Variants in MARCHF8 observed in about 807,000 individuals in gnomAD.
MARCHF8 encodes the protein membrane associated ring-CH-type finger 8, also known as E3 ubiquitin-protein ligase MARCHF8.
MARCHF8 carries 40 observed loss-of-function variants against 51.6 expected under a neutral mutation model. The observed-to-expected ratio is 0.77, with a 90% CI of 0.60 to 1.01. The LOEUF (loss-of-function observed/expected upper bound fraction) is 1.01. Ranked by LOEUF, MARCHF8 falls within the 50% of genes least tolerant of loss-of-function variation. MARCHF8 has a pLI of 0.00. For synonymous variants in MARCHF8, 263 were observed against 280.3 expected (o/e 0.94, Z 0.62); for missense variants, 685 against 708.6 (o/e 0.97, Z 0.38).
At chr10:45,501,096 C>T (rs969282974) in intron 2 of MARCHF8, among the ~76,000 whole-genome samples, 13 of 151,658 alleles carry the variant, frequency 8.6e-5, no homozygotes, top group African/African-American at 1.4e-4. Context: ...AACTCTTCCC[C>T]AAATTGATAA....
chr10:45,463,765 G>T lies in MARCHF8; in HGVS notation c.474C>A (p.Leu158=). The change falls in exon 5 of 8, where the codon CTC becomes CTA. Residue 158 remains leucine (L), a synonymous_variant. Transcript: ENST00000453424. The part of the protein sequence containing the change: ...ARRTLKFSRS[L]NDVGEKAQDT... ...CCTGCGCCTTCTCACCCACATCATT[G>T]AGGGACCTTGAGAACTTTAGTGTTC... 6.4e-7 allele frequency: 1 copy of T among 1,551,056 alleles called. No homozygotes were observed. Among genetic ancestry groups the T allele is most frequent in the Non-Finnish European group, 8.7e-7 (1 of 1,147,130 alleles).
At position 45,565,394 on chromosome 10, in the gene MARCHF8, A is replaced by T. The variant is rs2044353705; in HGVS notation, c.-79+28841T>A. Among the ~76,000 whole-genome samples, 3 of 152,080 alleles carry T rather than the reference A, an allele frequency of 2.0e-5. No individual in the cohort carries two copies. The South Asian group carries it at 6.2e-4, about 32-fold the overall frequency. ...TACAGTGTGCCAAGATTGTGACTGC[A>T]CTCCAGCCTGGGCGAGAGAGTAAGA... On this transcript the variant is annotated intron_variant, in intron 1 of 6. Coordinates refer to the MARCHF8 transcript ENST00000319836.
chr10:45,493,822 TGGA>T (rs1337151010), intron 2 of MARCHF8, among the ~76,000 whole-genome samples: 2 of 152,208 alleles, frequency 1.3e-5, no homozygotes, highest in Admixed American at 1.3e-4. Flanking sequence ...TTGTCCAGGC[TGGA>T]GGACAGTAGC....
intron 1 of MARCHF8, among the ~76,000 whole-genome samples, chr10:45,551,462 C>T (rs974079702): frequency 6.6e-6 from 1 of 151,942 alleles, no homozygotes. Flanking sequence ...GGACTTAACT[C>T]CTAGGCTCAA....
At position 45,469,966 on chromosome 10, in the gene MARCHF8, T is replaced by C. The variant is rs763108941; in HGVS notation, c.154-5639A>G. ...CCTGACTGTATTTCTACAAAGAAAA[T>C]AAAAATTATCAAAAAAAAATAAAAG... On this transcript the variant is annotated intron_variant, in intron 3 of 7. Transcript: ENST00000453424. Among the ~76,000 whole-genome samples, 270 of 106,150 alleles carry C rather than the reference T, an allele frequency of 2.5e-3. 1 individual carries two copies. Among genetic ancestry groups the C allele is most frequent in the Non-Finnish European group, 4.2e-3 (212 of 50,002 alleles). 69.6% of individuals were successfully genotyped at this position (106,150 alleles called of 152,430 possible). A position where few individuals can be genotyped will look rare whatever the true frequency, so the allele number is the denominator to read the frequency against.
At chr10:45,477,239 C>T (rs892319963) in intron 3 of MARCHF8, among the ~76,000 whole-genome samples, 23 of 152,070 alleles carry the variant, frequency 1.5e-4, no homozygotes, top group African/African-American at 5.1e-4. Context: ...TATATCCATC[C>T]AAGTTATCAC....
chr10:45,561,154 A>G (rs2044305960), intron 1 of MARCHF8, among the ~76,000 whole-genome samples: 2 of 152,240 alleles, frequency 1.3e-5, no homozygotes, highest in African/African-American at 2.4e-5. Flanking sequence ...TGGAAAAATA[A>G]GCTCACAATA....
At chr10:45,460,626 G>A (rs536458996) in intron 6 of MARCHF8, among the ~76,000 whole-genome samples, 10 of 152,214 alleles carry the variant, frequency 6.6e-5, no homozygotes, top group Non-Finnish European at 1.5e-4. Flanking sequence ...AATTTAAACA[G>A]GAAGCCAGTG....
At chr10:45,514,160 A>C (rs1165544206) in intron 2 of MARCHF8, among the ~76,000 whole-genome samples, 1 of 152,256 alleles carries the variant, frequency 6.6e-6, no homozygotes, top group East Asian at 1.9e-4. Context: ...TTAGAAACAA[A>C]GTACATCATT....
chr10:45,560,835 C>T (rs1265859503), intron 1 of MARCHF8, among the ~76,000 whole-genome samples: 3 of 152,160 alleles, frequency 2.0e-5, no homozygotes, highest in South Asian at 2.1e-4. Flanking sequence ...GCTCCAGTTT[C>T]CTTGTGATCT....
At chr10:45,526,184 A>G (rs1269304549) in intron 2 of MARCHF8, among the ~76,000 whole-genome samples, 1 of 152,218 alleles carries the variant, frequency 6.6e-6, no homozygotes, top group African/African-American at 2.4e-5. Context: ...AACGGCGAGT[A>G]GATATTCACC....
intron 3 of MARCHF8, among the ~76,000 whole-genome samples, chr10:45,478,923 C>T (rs1420998693): frequency 6.6e-6 from 1 of 152,094 alleles, no homozygotes; most frequent in East Asian, 1.9e-4. Flanking sequence ...CAAATTCTAC[C>T]AAACTTTCAA....
chr10:45,577,083 C>T (rs1367270846), intron 1 of MARCHF8, among the ~76,000 whole-genome samples: 2 of 151,596 alleles, frequency 1.3e-5, no homozygotes, highest in Non-Finnish European at 1.5e-5. Context: ...GGATTAGGGA[C>T]TCATCAAAGA....
intron 3 of MARCHF8, among the ~76,000 whole-genome samples, chr10:45,479,933 C>T (rs952591966): frequency 6.6e-6 from 1 of 152,132 alleles, no homozygotes; most frequent in African/African-American, 2.4e-5. Flanking sequence ...CAGAAGAAGA[C>T]AGGAAAATGT....
intron 2 of MARCHF8, among the ~76,000 whole-genome samples, chr10:45,498,705 ACCTCAGGTGAT>A (rs1408728938): frequency 4.6e-5 from 7 of 152,128 alleles, no homozygotes. Context: ...CAAACTCCTG[ACCTCAGGTGAT>A]CCTCCCTCCT....
At chr10:45,465,051 G>A (rs1476545868) in intron 3 of MARCHF8, among the ~76,000 whole-genome samples, 3 of 152,122 alleles carry the variant, frequency 2.0e-5, no homozygotes, top group African/African-American at 7.2e-5. Flanking sequence ...GTCAAACTTA[G>A]AGAAAAAAAT....
At chr10:45,497,879 C>T (rs1334951328) in intron 2 of MARCHF8, among the ~76,000 whole-genome samples, 1 of 152,144 alleles carries the variant, frequency 6.6e-6, no homozygotes, top group Non-Finnish European at 1.5e-5. Context: ...GAAAGGCCTA[C>T]CAGAAACCAA....
Position 45,455,279 on chromosome 10 carries a change from A to C in MARCHF8, c.*2960T>G, listed in dbSNP as rs1842566217. 6.6e-6 allele frequency: 1 copy of C among 152,200 alleles called. No individual in the cohort carries two copies. Among genetic ancestry groups the C allele is most frequent in the African/African-American group, 2.4e-5 (1 of 41,426 alleles). 9.4% of individuals were successfully genotyped at this position (152,200 alleles called of 1,614,324 possible). On this transcript the variant is annotated 3_prime_UTR_variant, in exon 8 of 8. Coordinates refer to ENST00000453424, the MANE Select transcript of MARCHF8 (RefSeq NM_001282866.2). ...CATTAGAGGCCTACAGTAGGAAGAGACCTTTTATAGAGTTTTCAGGAAATT... is the reference window on the plus strand; with the variant it reads ...CATTAGAGGCCTACAGTAGGAAGAGCCCTTTTATAGAGTTTTCAGGAAATT...
At chr10:45,541,798 A>C (rs2044056238) in intron 1 of MARCHF8, among the ~76,000 whole-genome samples, 1 of 152,164 alleles carries the variant, frequency 6.6e-6, no homozygotes, top group Non-Finnish European at 1.5e-5. Context: ...ATAATAGCTA[A>C]TGTTTATGAA....
Sources: gnomAD v4.1 joint callset for allele counts (sites outside exome capture counted in the v4.1 genomes callset) on GRCh38, gnomAD v4.1.1 for gene constraint, MANE v1.5 for transcripts, NCBI Gene and HGNC (gene_info 2026-07-23, HGNC 2026-07-21) for gene names.